The following XKR9 variants were observed in gnomAD, a reference collection of about 807,000 sequenced individuals.
The protein encoded by XKR9 is XK-related protein 9.
In XKR9, 32 loss-of-function variants were observed where a neutral mutation model predicts 32.0. The ratio of observed to expected loss-of-function variants is 1.00; its 90% confidence interval spans 0.76 to 1.34. The LOEUF is 1.34. Among genes scored for constraint, XKR9 ranks in the 40% most tolerant of loss-of-function variants. The pLI is 0.00. For missense variants in XKR9, 546 were observed against 429.7 expected (o/e 1.27, Z -2.39); for synonymous variants, 168 against 143.4 (o/e 1.17, Z -1.22).
the XKR9 span, among the ~76,000 whole-genome samples, chr8:70,828,186 C>G: frequency 6.6e-6 from 1 of 152,178 alleles, no homozygotes; most frequent in African/African-American, 2.4e-5. Context: ...AAGCATCAAC[C>G]AAGTTTGTTG....
the XKR9 span, among the ~76,000 whole-genome samples, chr8:70,936,079 A>G: frequency 2.0e-5 from 3 of 152,186 alleles, no homozygotes; most frequent in East Asian, 5.8e-4. Flanking sequence ...TTACTCAATC[A>G]AACCAGCAAA....
chr8:70,683,655 T>G (rs1284991875), intron 3 of XKR9: 2 of 385,004 alleles, frequency 5.2e-6, no homozygotes, highest in South Asian at 1.8e-5. Context: ...ACTTGGTTAA[T>G]TTTTGTATTT....
chr8:70,776,919 T>TCTCTCTCTC lies in XKR9; in HGVS notation n.353-12420_353-12419insCTCTCTCTC, dbSNP rs1466163794. On this transcript the variant is annotated intron_variant and non_coding_transcript_variant, in intron 2 of 3. Transcript: ENST00000520273. ...ACCTTGCATTTAGCAGGTTTTCTCT[T>TCTCTCTCTC]TCTTTCTCTCTCTCTCTCTCTCTCT... Among the ~76,000 whole-genome samples, 362 of 69,718 alleles carry TCTCTCTCTC rather than the reference T, an allele frequency of 5.2e-3. 23 individuals carry two copies. Among genetic ancestry groups the TCTCTCTCTC allele is most frequent in the Non-Finnish European group, 7.6e-3 (295 of 38,984 alleles). 45.7% of individuals were successfully genotyped at this position (69,718 alleles called of 152,430 possible). A position where few individuals can be genotyped will look rare whatever the true frequency, so the allele number is the denominator to read the frequency against.
At chr8:70,893,518 T>C in the XKR9 span, among the ~76,000 whole-genome samples, 1 of 152,212 alleles carries the variant, frequency 6.6e-6, no homozygotes, top group East Asian at 1.9e-4. Flanking sequence ...CACCTGTAGT[T>C]AATTTTAGTG....
At chr8:71,020,112 G>C in the XKR9 span, among the ~76,000 whole-genome samples, 1 of 152,086 alleles carries the variant, frequency 6.6e-6, no homozygotes, top group African/African-American at 2.4e-5. Flanking sequence ...TACCTGAATT[G>C]GCTTAATTCT....
chr8:70,927,363 G>A, the XKR9 span, among the ~76,000 whole-genome samples: 17 of 152,188 alleles, frequency 1.1e-4, no homozygotes, highest in South Asian at 6.2e-4. Flanking sequence ...AGTGGGTGGC[G>A]TCTCCTTTCT....
the XKR9 span, among the ~76,000 whole-genome samples, chr8:70,844,041 G>T: frequency 1.4e-3 from 208 of 152,318 alleles, 1 homozygote; most frequent in Admixed American, 4.2e-3. Flanking sequence ...ACTTGTCTGT[G>T]CCCCACAGAA....
the XKR9 span, among the ~76,000 whole-genome samples, chr8:70,957,783 CTT>C: frequency 8.3e-5 from 7 of 84,812 alleles, no homozygotes; most frequent in East Asian, 3.9e-4. Context: ...TTCAGTCTAT[CTT>C]TTTTTTTTTT....
At chr8:70,995,687 A>G in the XKR9 span, among the ~76,000 whole-genome samples, 1 of 151,780 alleles carries the variant, frequency 6.6e-6, no homozygotes, top group South Asian at 2.1e-4. Flanking sequence ...GACAATTAAA[A>G]TTTTTTTTTC....
At chr8:70,957,029 GC>G in the XKR9 span, among the ~76,000 whole-genome samples, 1 of 152,204 alleles carries the variant, frequency 6.6e-6, no homozygotes, top group Non-Finnish European at 1.5e-5. Flanking sequence ...GAAGTGTGCA[GC>G]CCCAGCTGCA....
chr8:70,780,699 G>A lies in XKR9; in HGVS notation n.353-8640G>A, dbSNP rs187429497. 1.2e-3 allele frequency among the ~76,000 whole-genome samples: 182 copies of A among 152,142 alleles called. 1 individual carries two copies. In the South Asian group the frequency reaches 0.015, roughly 12 times the overall value. ...TGAGAGACTAAGTTTCTGTTGTTTA[G>A]AGCCATCTAATTTTTGGCAATTTAT... On this transcript the variant is annotated intron_variant and non_coding_transcript_variant, in intron 2 of 3. Coordinates refer to the XKR9 transcript ENST00000520273.
chr8:70,673,297 C>A (rs1283778137), intron 1 of XKR9, among the ~76,000 whole-genome samples: 1 of 152,088 alleles, frequency 6.6e-6, no homozygotes, highest in East Asian at 1.9e-4. Context: ...TTGCACTTTC[C>A]TTCTGGATTC....
the XKR9 span, among the ~76,000 whole-genome samples, chr8:70,831,163 C>T: frequency 1.3e-5 from 2 of 151,778 alleles, no homozygotes; most frequent in East Asian, 1.9e-4. Context: ...TGGTGGTGGT[C>T]GCCTGTAATC....
intron 3 of XKR9, among the ~76,000 whole-genome samples, chr8:70,686,195 C>G (rs1819270657): frequency 6.6e-6 from 1 of 150,728 alleles, no homozygotes; most frequent in Admixed American, 6.6e-5. Flanking sequence ...TTCTTTCTTT[C>G]CTCTCCTTTT....
At chr8:70,838,611 C>T in the XKR9 span, among the ~76,000 whole-genome samples, 2 of 152,038 alleles carry the variant, frequency 1.3e-5, no homozygotes, top group African/African-American at 2.4e-5. Context: ...ATTTCATACA[C>T]TCAATAAACA....
chr8:70,810,742 A>T, the XKR9 span, among the ~76,000 whole-genome samples: 2 of 152,260 alleles, frequency 1.3e-5, no homozygotes, highest in African/African-American at 4.8e-5. Flanking sequence ...AGAGCTCACT[A>T]TCCTAAATAT....
chr8:71,059,507 G>A, the XKR9 span, among the ~76,000 whole-genome samples: 1 of 152,232 alleles, frequency 6.6e-6, no homozygotes, highest in Admixed American at 6.5e-5. Context: ...GTGCACTTAG[G>A]AACTGGCGCT....
chr8:71,030,890 T>C, the XKR9 span, among the ~76,000 whole-genome samples: 68 of 152,322 alleles, frequency 4.5e-4, no homozygotes, highest in African/African-American at 1.5e-3. Context: ...ATATCTGTAA[T>C]TCAGTGACTG....
chr8:70,995,966 G>T, the XKR9 span, among the ~76,000 whole-genome samples: 2 of 152,102 alleles, frequency 1.3e-5, no homozygotes, highest in East Asian at 3.9e-4. Context: ...TCCATGTTGT[G>T]TGTGCCATGC....
Sources: gnomAD v4.1 joint callset for allele counts (sites outside exome capture counted in the v4.1 genomes callset) on GRCh38, gnomAD v4.1.1 for gene constraint, MANE v1.5 for transcripts, NCBI Gene and HGNC (gene_info 2026-07-23, HGNC 2026-07-21) for gene names.